Variants in PCDH11X observed in about 807,000 individuals in gnomAD.
PCDH11X encodes protocadherin-11 X-linked.
A neutral mutation model predicts 53.3 loss-of-function variants in PCDH11X; 18 were observed. The observed-to-expected ratio is 0.34, with a 90% CI of 0.23 to 0.50. The LOEUF is 0.50. Among genes scored for constraint, PCDH11X ranks in the 20% least tolerant of loss-of-function variants. PCDH11X has a pLI of 0.98. For synonymous variants in PCDH11X, 279 were observed against 393.3 expected (o/e 0.71, Z 3.44); for missense variants, 570 against 1,032.4 (o/e 0.55, Z 6.14).
At chrX:92,364,701 A>T (rs2070423002) in intron 8 of PCDH11X, among the ~76,000 whole-genome samples, 1 of 108,597 alleles carries the variant, frequency 9.2e-6, no homozygotes, top group Non-Finnish European at 1.9e-5. Flanking sequence ...ACTCTGTTGT[A>T]ATAGCACTTA....
intron 10 of PCDH11X, among the ~76,000 whole-genome samples, chrX:92,513,787 T>C (rs5941093): frequency 0.12 from 13,487 of 111,184 alleles, 664 homozygotes; most frequent in African/African-American, 0.19. Flanking sequence ...GAAATTCACC[T>C]ATTATAAATG....
intron 6 of PCDH11X, among the ~76,000 whole-genome samples, chrX:92,074,093 T>A (rs2063741762): frequency 9.0e-6 from 1 of 111,624 alleles, no homozygotes; most frequent in Non-Finnish European, 1.9e-5. Flanking sequence ...GATTTTATAA[T>A]AATCTGAATT....
rs9919115 is a variant in PCDH11X at position 91,913,327 on chromosome X, G to A, written c.3033+34054G>A. ...TCCTAAAGCCATGCTTGCTTTCCCA[G>A]TGGAGTAGCTCATGGCTTGTGGCAA... is the stretch of plus-strand genomic sequence containing the variant. On this transcript the variant is annotated intron_variant, in intron 6 of 10. Coordinates refer to ENST00000682573, the MANE Select transcript of PCDH11X (RefSeq NM_032968.5). Among the ~76,000 whole-genome samples the A allele has an allele frequency of 6.3e-3, 704 of 111,835 alleles. 5 individuals are homozygous for A. The highest frequency in any genetic ancestry group is 0.022 in the African/African-American group (680 of 30,793).
At chrX:92,183,837 G>T (rs1042249081) in intron 6 of PCDH11X, among the ~76,000 whole-genome samples, 2 of 111,357 alleles carry the variant, frequency 1.8e-5, no homozygotes, top group Non-Finnish European at 3.8e-5. Flanking sequence ...TTGTGGTTTT[G>T]CCCATTCCTG....
At position 91,910,459 on chromosome X, in the gene PCDH11X, A is replaced by G. The variant is rs1416544075; in HGVS notation, c.3033+31186A>G. ...AAATATTTATCCACATATTTAAGCA[A>G]GTTTATAATTCTTCATACAAATATT... On this transcript the variant is annotated intron_variant, in intron 6 of 10. Transcript: ENST00000682573. Among the ~76,000 whole-genome samples the G allele has an allele frequency of 3.6e-5, 4 of 111,993 alleles. No individual in the cohort carries two copies. In the East Asian group the frequency reaches 8.4e-4, roughly 23 times the overall value.
At chrX:92,341,637 C>G (rs1189281807) in intron 8 of PCDH11X, among the ~76,000 whole-genome samples, 1 of 110,757 alleles carries the variant, frequency 9.0e-6, no homozygotes, top group Non-Finnish European at 1.9e-5. Flanking sequence ...TTTAAACAGC[C>G]AGATCTCATA....
At chrX:92,391,375 G>A (rs1390003296) in intron 9 of PCDH11X, among the ~76,000 whole-genome samples, 2 of 108,873 alleles carry the variant, frequency 1.8e-5, no homozygotes, top group African/African-American at 6.6e-5. Flanking sequence ...TAAAGAACAA[G>A]TTGTGAGTCT....
intron 6 of PCDH11X, among the ~76,000 whole-genome samples, chrX:92,195,080 C>A (rs1275346599): frequency 9.0e-6 from 1 of 111,276 alleles, no homozygotes; most frequent in East Asian, 2.8e-4. Context: ...TGCAGAATCA[C>A]CCTAGCAGAA....
At chrX:92,097,615 ATAGAT>A (rs1348804140) in intron 6 of PCDH11X, among the ~76,000 whole-genome samples, 5 of 110,771 alleles carry the variant, frequency 4.5e-5, no homozygotes, top group Non-Finnish European at 5.6e-5. Flanking sequence ...ACTTAAAGCT[ATAGAT>A]TATAGTTTGA....
intron 6 of PCDH11X, among the ~76,000 whole-genome samples, chrX:92,023,330 G>T (rs984055092): frequency 9.4e-6 from 1 of 106,688 alleles, no homozygotes; most frequent in Non-Finnish European, 1.9e-5. Context: ...TGATAAAGAG[G>T]ATATCACCCC....
At chrX:92,017,075 G>A (rs1021772223) in intron 6 of PCDH11X, among the ~76,000 whole-genome samples, 5 of 100,820 alleles carry the variant, frequency 5.0e-5, no homozygotes, top group South Asian at 1.0e-3. Context: ...AGTTCACGTC[G>A]CAGTCAGAAC....
intron 9 of PCDH11X, among the ~76,000 whole-genome samples, chrX:92,467,954 G>A (rs905766601): frequency 9.0e-6 from 1 of 111,454 alleles, no homozygotes; most frequent in African/African-American, 3.3e-5. Flanking sequence ...GTCAGTAGAG[G>A]ACTGTACTTA....
chrX:92,031,385 CT>C (rs202223712), intron 6 of PCDH11X, among the ~76,000 whole-genome samples: 16,106 of 105,497 alleles, frequency 0.15, 1,265 homozygotes, highest in Admixed American at 0.27. Flanking sequence ...GTTATTAATC[CT>C]TTATCAGATG....
chrX:91,923,638 A>C (rs1376616594), intron 6 of PCDH11X, among the ~76,000 whole-genome samples: 1 of 103,842 alleles, frequency 9.6e-6, no homozygotes, highest in East Asian at 3.2e-4. Context: ...CTCAGCTTGC[A>C]GATGGCCCAT....
intron 6 of PCDH11X, among the ~76,000 whole-genome samples, chrX:92,109,877 G>A (rs897469049): frequency 3.6e-5 from 4 of 112,321 alleles, no homozygotes; most frequent in African/African-American, 1.3e-4. Flanking sequence ...GAGTTGATTA[G>A]GTCTAATCTC....
chrX:91,874,132 A>G (rs1038974714), intron 5 of PCDH11X, among the ~76,000 whole-genome samples: 1 of 110,934 alleles, frequency 9.0e-6, no homozygotes, highest in African/African-American at 3.3e-5. Context: ...CAATTTAGAA[A>G]CTATTTTTTC....
At chrX:91,939,101 T>C (rs1047266945) in intron 6 of PCDH11X, among the ~76,000 whole-genome samples, 3 of 110,793 alleles carry the variant, frequency 2.7e-5, no homozygotes, top group Non-Finnish European at 3.8e-5. Context: ...AAAATGTTAT[T>C]GTAATTGTGT....
intron 5 of PCDH11X, among the ~76,000 whole-genome samples, chrX:91,867,020 T>C (rs183718840): frequency 4.9e-4 from 55 of 112,066 alleles, no homozygotes; most frequent in African/African-American, 1.7e-3. Context: ...TGGATATTAA[T>C]GGAAATTTTA....
chrX:92,466,792 A>T (rs2073165156), intron 9 of PCDH11X, among the ~76,000 whole-genome samples: 2 of 109,618 alleles, frequency 1.8e-5, no homozygotes. Context: ...TACATTACTT[A>T]TTTTTTTGAC....
Sources: allele counts gnomAD v4.1 joint callset (sites outside exome capture counted in the v4.1 genomes callset), GRCh38; gene constraint gnomAD v4.1.1; transcripts MANE v1.5; gene names NCBI Gene and HGNC (gene_info 2026-07-23, HGNC 2026-07-21).